Variants in RNLS observed in about 807,000 individuals in gnomAD.
The protein encoded by RNLS is renalase.
Under a neutral mutation model 39.8 loss-of-function variants are expected in RNLS, and 39 were observed. The observed-to-expected ratio is 0.98, with a 90% CI of 0.76 to 1.28. The LOEUF is 1.28. Ranked by LOEUF, RNLS falls within the 50% of genes most tolerant of loss-of-function variation. RNLS has a pLI of 0.00. For synonymous variants in RNLS, 147 were observed against 150.7 expected (o/e 0.98, Z 0.18); for missense variants, 410 against 413.3 (o/e 0.99, Z 0.07).
chr10:88,249,360 G>T, the RNLS span, among the ~76,000 whole-genome samples: 3 of 152,118 alleles, frequency 2.0e-5, no homozygotes, highest in Non-Finnish European at 4.4e-5. Context: ...CCTAATCTAT[G>T]GAATGTCTTG....
intron 4 of RNLS, among the ~76,000 whole-genome samples, chr10:88,526,175 A>T (rs1371201261): frequency 6.6e-6 from 1 of 151,922 alleles, no homozygotes; most frequent in Non-Finnish European, 1.5e-5. Context: ...TTTTATAAAA[A>T]AGATCAAAAG....
At chr10:88,500,287 A>G (rs1845401581) in intron 4 of RNLS, among the ~76,000 whole-genome samples, 1 of 152,164 alleles carries the variant, frequency 6.6e-6, no homozygotes, top group Non-Finnish European at 1.5e-5. Context: ...CACAGGAGGT[A>G]TTCAGGAGAG....
intron 4 of RNLS, among the ~76,000 whole-genome samples, chr10:88,543,605 AAAG>A (rs1322171806): frequency 6.6e-6 from 1 of 152,194 alleles, no homozygotes; most frequent in Non-Finnish European, 1.5e-5. Flanking sequence ...TAAAATACAC[AAAG>A]ACAATTATTT....
At chr10:88,292,607 C>G (rs1391458561) in intron 6 of RNLS, among the ~76,000 whole-genome samples, 1 of 150,144 alleles carries the variant, frequency 6.7e-6, no homozygotes, top group Non-Finnish European at 1.5e-5. Context: ...TTGCAAAAGA[C>G]TGTAGATAAT....
At chr10:88,532,239 G>A (rs1847469809) in intron 4 of RNLS, among the ~76,000 whole-genome samples, 1 of 151,910 alleles carries the variant, frequency 6.6e-6, no homozygotes, top group South Asian at 2.1e-4. Flanking sequence ...ATAATACACT[G>A]ATGCACACTT....
chr10:88,443,679 G>A (rs1319361651), intron 4 of RNLS, among the ~76,000 whole-genome samples: 1 of 152,250 alleles, frequency 6.6e-6, no homozygotes, highest in African/African-American at 2.4e-5. Flanking sequence ...CCCGTGCATG[G>A]CTTGGAGGGT....
rs563933072 is a variant in RNLS at position 88,437,342 on chromosome 10, T to C, written c.527-74617A>G. On this transcript the variant is annotated intron_variant, in intron 4 of 6. Transcript: ENST00000331772. Reference sequence around the variant, plus strand: ...AAAAGATTGCATTTAATGCCCCAAATAGATGGGGCAGAATTTTAAATCAAC... The same window carrying C: ...AAAAGATTGCATTTAATGCCCCAAACAGATGGGGCAGAATTTTAAATCAAC... 7.0e-4 allele frequency among the ~76,000 whole-genome samples: 107 copies of C among 152,260 alleles called. 1 individual carries two copies. The highest frequency in any genetic ancestry group is 6.0e-3 in the South Asian group (29 of 4,822).
chr10:88,461,053 G>T (rs1044070761), intron 4 of RNLS, among the ~76,000 whole-genome samples: 2 of 152,080 alleles, frequency 1.3e-5, no homozygotes, highest in African/African-American at 4.8e-5. Flanking sequence ...TGGCTTCTAT[G>T]GTGCAGAGAA....
At chr10:88,440,038 A>C (rs1841623883) in intron 4 of RNLS, among the ~76,000 whole-genome samples, 1 of 152,126 alleles carries the variant, frequency 6.6e-6, no homozygotes, top group African/African-American at 2.4e-5. Context: ...CTAGATTATA[A>C]ATTTTTTGAG....
At chr10:88,180,595 G>A in the RNLS span, among the ~76,000 whole-genome samples, 1 of 152,166 alleles carries the variant, frequency 6.6e-6, no homozygotes, top group Admixed American at 6.6e-5. Context: ...TGCGTGTGTT[G>A]TAGATAATAT....
intron 6 of RNLS, among the ~76,000 whole-genome samples, chr10:88,301,514 T>G (rs1247084151): frequency 6.6e-6 from 1 of 152,220 alleles, no homozygotes; most frequent in African/African-American, 2.4e-5. Context: ...GGCAAGATAC[T>G]CTTGTGGCCA....
intron 4 of RNLS, among the ~76,000 whole-genome samples, chr10:88,525,486 T>C (rs886084868): frequency 1.3e-5 from 2 of 152,088 alleles, no homozygotes; most frequent in Non-Finnish European, 2.9e-5. Flanking sequence ...TTTGTTAATA[T>C]GGAACTATGT....
At chr10:88,519,703 T>A (rs72820073) in intron 4 of RNLS, among the ~76,000 whole-genome samples, 6,691 of 147,014 alleles carry the variant, frequency 0.046, 212 homozygotes, top group Non-Finnish European at 0.069. Context: ...GATATATATC[T>A]GATATATATC....
chr10:88,441,765 G>A (rs528286024), intron 4 of RNLS, among the ~76,000 whole-genome samples: 128 of 152,252 alleles, frequency 8.4e-4, no homozygotes, highest in African/African-American at 2.9e-3. Flanking sequence ...AAGATGGGCC[G>A]GAGATGCAAT....
chr10:88,428,239 G>C (rs907179005), intron 4 of RNLS, among the ~76,000 whole-genome samples: 3 of 151,984 alleles, frequency 2.0e-5, no homozygotes, highest in Admixed American at 6.6e-5. Context: ...CCAAGGAAAA[G>C]AGCTAGGACT....
chr10:88,343,184 C>A (rs973767988), intron 5 of RNLS, among the ~76,000 whole-genome samples: 1 of 152,030 alleles, frequency 6.6e-6, no homozygotes, highest in Admixed American at 6.6e-5. Context: ...GAAAACCATT[C>A]TGGTTATTTG....
At chr10:88,356,326 A>G (rs1320956686) in intron 5 of RNLS, among the ~76,000 whole-genome samples, 1 of 152,166 alleles carries the variant, frequency 6.6e-6, no homozygotes, top group Non-Finnish European at 1.5e-5. Flanking sequence ...GGAGCTGTAG[A>G]CTGGAGCTGT....
the RNLS span, among the ~76,000 whole-genome samples, chr10:88,179,317 T>G: frequency 5.3e-5 from 8 of 152,276 alleles, no homozygotes; most frequent in South Asian, 1.5e-3. Context: ...AGCATGTGGT[T>G]CAGAGAAAAG....
chr10:88,215,780 A>G, the RNLS span, among the ~76,000 whole-genome samples: 2 of 146,616 alleles, frequency 1.4e-5, no homozygotes, highest in Admixed American at 7.1e-5. Context: ...GCTCACTGCA[A>G]TCTCCACCTC....
Sources: allele counts gnomAD v4.1 joint callset (sites outside exome capture counted in the v4.1 genomes callset), GRCh38; gene constraint gnomAD v4.1.1; transcripts MANE v1.5; gene names NCBI Gene and HGNC (gene_info 2026-07-23, HGNC 2026-07-21).